TBC1D30: variants seen among roughly 807,000 people sequenced by gnomAD.
TBC1D30 encodes TBC1 domain family, member 30.
In TBC1D30, 31 loss-of-function variants were observed where a neutral mutation model predicts 63.2. The observed-to-expected ratio is 0.49, with a 90% CI of 0.37 to 0.66. The LOEUF is 0.66. TBC1D30 is among the 30% of genes least tolerant of loss of function. TBC1D30 has a pLI of 0.00. For missense variants in TBC1D30, 810 were observed against 953.6 expected (o/e 0.85, Z 1.98); for synonymous variants, 307 against 361.5 (o/e 0.85, Z 1.71).
chr12:64,824,906 T>A lies in TBC1D30; in HGVS notation c.27T>A (p.Ser9=). MRQDKLTG[S]LRRGGRCLKR... ...TGCGGCAGGACAAGCTGACCGGGTCTCTGAGGCGCGGGGGGAGATGCCTGA... is the reference window on the plus strand; with the variant it reads ...TGCGGCAGGACAAGCTGACCGGGTCACTGAGGCGCGGGGGGAGATGCCTGA... Residue 9 remains serine (S), a synonymous_variant, in exon 1 of 12, where the codon TCT becomes TCA. Coordinates refer to ENST00000539867, the MANE Select transcript of TBC1D30 (RefSeq NM_015279.2). 1 of 1,534,240 alleles carries A rather than the reference T, an allele frequency of 6.5e-7. No homozygotes were observed. The highest frequency in any genetic ancestry group is 8.7e-7 in the Non-Finnish European group (1 of 1,146,518).
chr12:64,793,132 C>T (rs1032751813), intron 2 of TBC1D30, among the ~76,000 whole-genome samples: 6 of 151,694 alleles, frequency 4.0e-5, no homozygotes, highest in East Asian at 2.0e-4. Context: ...CTTGAGCTTG[C>T]GAGTGGGAGA....
rs1879111619 is a variant in TBC1D30, at chr12:64,876,711, G to C, written c.*923G>C. 1 of 446,766 alleles carries C rather than the reference G, an allele frequency of 2.2e-6. No homozygotes were observed. Among genetic ancestry groups the C allele is most frequent in the South Asian group, 1.6e-5 (1 of 62,912 alleles). The allele number at this position is 446,766 out of a possible 1,614,324, so 27.7% of individuals were successfully genotyped here. ...GCCAGAACACAGCACCTGTGACTCT[G>C]TTACTTGAATTTTGTGCTTTTTGAT... On this transcript the variant is annotated 3_prime_UTR_variant, in exon 12 of 12. Transcript: ENST00000539867.
chr12:64,815,652 A>G (rs1422890088), intron 2 of TBC1D30, among the ~76,000 whole-genome samples: 2 of 152,244 alleles, frequency 1.3e-5, no homozygotes, highest in African/African-American at 2.4e-5. Flanking sequence ...CACATATACA[A>G]TCATGCATAA....
chr12:64,852,039 A>G (rs1024647004), intron 8 of TBC1D30, among the ~76,000 whole-genome samples: 6 of 151,846 alleles, frequency 4.0e-5, no homozygotes, highest in African/African-American at 1.5e-4. Flanking sequence ...GTGTTCTCGT[A>G]TTTCCTGAAT....
chr12:64,776,173 C>G (rs1335756377), upstream of TBC1D30, among the ~76,000 whole-genome samples: 1 of 152,034 alleles, frequency 6.6e-6, no homozygotes, highest in African/African-American at 2.4e-5. Flanking sequence ...CATCAGATCT[C>G]AAGTTAACAA....
At chr12:64,780,926 C>T (rs1871238634) in exon 1 of TBC1D30, 3 of 1,040,056 alleles carry the variant, frequency 2.9e-6, no homozygotes, top group Middle Eastern at 3.4e-4. Flanking sequence ...TCCTGCAGCT[C>T]CCCCAGCCCC....
At chr12:64,860,986 A>G (rs1235437109) in intron 8 of TBC1D30, among the ~76,000 whole-genome samples, 2 of 152,256 alleles carry the variant, frequency 1.3e-5, no homozygotes, top group Non-Finnish European at 2.9e-5. Context: ...GCCAGAAGGA[A>G]TGAGATGTGT....
rs908183623 is a variant in TBC1D30 at position 64,836,673 on chromosome 12, T to G, written c.763+15T>G. The G allele has an allele frequency of 6.6e-7, 1 of 1,523,356 alleles. No homozygotes were observed. The highest frequency in any genetic ancestry group is 1.4e-5 in the African/African-American group (1 of 72,742). 94.4% of individuals were successfully genotyped at this position (1,523,356 alleles called of 1,614,324 possible). Reference sequence around the variant, plus strand: ...AGAAAGTGGAGGTAGGTTTCAATGCTATTATAACTCTGAAAATATTTGTCT... The same window carrying G: ...AGAAAGTGGAGGTAGGTTTCAATGCGATTATAACTCTGAAAATATTTGTCT... On this transcript the variant is annotated intron_variant, in intron 6 of 11. Coordinates refer to ENST00000539867, the MANE Select transcript of TBC1D30 (RefSeq NM_015279.2).
At chr12:64,836,764 G>A (rs1056327739) in intron 6 of TBC1D30, 106 bp downstream of exon 6, 76 of 1,128,674 alleles carry the variant, frequency 6.7e-5, no homozygotes, top group Non-Finnish European at 9.0e-5. Flanking sequence ...AGCTATTTTT[G>A]TAAGAGCTTG....
In TBC1D30 at chr12:64,848,073, G is replaced by A. The variant is rs915782704; in HGVS notation, c.1038+4588G>A. ...TTATATCTGGGTGCTCCAGTGTTGGGTGCATATATATTTATAATCATTATA... is the reference window on the plus strand; with the variant it reads ...TTATATCTGGGTGCTCCAGTGTTGGATGCATATATATTTATAATCATTATA... On this transcript the variant is annotated intron_variant, in intron 8 of 11. Coordinates refer to ENST00000539867, the MANE Select transcript of TBC1D30 (RefSeq NM_015279.2). Among the ~76,000 whole-genome samples the A allele has an allele frequency of 3.3e-5, 5 of 151,612 alleles. No individual in the cohort carries two copies. The South Asian group carries it at 8.3e-4, about 25-fold the overall frequency.
chr12:64,783,564 T>G (rs910283087), intron 1 of TBC1D30, among the ~76,000 whole-genome samples: 5 of 152,078 alleles, frequency 3.3e-5, no homozygotes, highest in South Asian at 2.1e-4. Flanking sequence ...CTATGGCCGA[T>G]GTCATGGAGC....
At position 64,877,688 on chromosome 12, in the gene TBC1D30, G is replaced by A. The variant is rs1427037855; in HGVS notation, c.*1900G>A. On this transcript the variant is annotated 3_prime_UTR_variant, in exon 12 of 12. Transcript: ENST00000539867. ...GGCTTATTTTGCATACCACCCTCAG[G>A]GCCCAGAGACCCACTGCATTTTCCA... 2 of 152,202 alleles carry A rather than the reference G, an allele frequency of 1.3e-5. No individual in the cohort carries two copies. Among genetic ancestry groups the A allele is most frequent in the East Asian group, 3.9e-4 (2 of 5,166 alleles). The allele number at this position is 152,202 out of a possible 1,614,324, so 9.4% of individuals were successfully genotyped here.
rs1199270362 is a variant in TBC1D30, at chr12:64,870,735, T to C, written c.1425T>C (p.Asn475=). The change falls in exon 11 of 12, where the codon AAT becomes AAC. Residue 475 remains asparagine (N), a synonymous_variant. Coordinates refer to ENST00000539867, the MANE Select transcript of TBC1D30 (RefSeq NM_015279.2). ...MMMERMTTDI[N]ALKRQYSRIK... ...TGGAACGCATGACCACAGATATCAA[T>C]GCACTGAAGCGGCAGTACTCTCGAA... 6.5e-7 allele frequency: 1 copy of C among 1,536,094 alleles called. No individual in the cohort carries two copies. Among genetic ancestry groups the C allele is most frequent in the African/African-American group, 1.4e-5 (1 of 73,152 alleles).
intron 1 of TBC1D30, chr12:64,785,838 T>C: frequency 1.6e-6 from 2 of 1,262,670 alleles, no homozygotes; most frequent in Non-Finnish European, 2.1e-6. Flanking sequence ...TTTGTATTCC[T>C]CTCAAGGTAT....
chr12:64,879,251 A>G lies in TBC1D30; in HGVS notation c.*3463A>G, dbSNP rs893476403. On this transcript the variant is annotated 3_prime_UTR_variant, in exon 12 of 12. Transcript: ENST00000539867. Reference sequence around the variant, plus strand: ...GTAGTTTAAGCTGTCTTTCTGGTAAATGCTCTTATACAATATGATTTTTAG... The same window carrying G: ...GTAGTTTAAGCTGTCTTTCTGGTAAGTGCTCTTATACAATATGATTTTTAG... 6.6e-6 allele frequency: 1 copy of G among 152,214 alleles called. No homozygotes were observed. The highest frequency in any genetic ancestry group is 2.4e-5 in the African/African-American group (1 of 41,456). The allele number at this position is 152,214 out of a possible 1,614,324, so 9.4% of individuals were successfully genotyped here.
intron 5 of TBC1D30, among the ~76,000 whole-genome samples, chr12:64,834,498 C>T (rs1393760730): frequency 6.7e-6 from 1 of 149,552 alleles, no homozygotes; most frequent in African/African-American, 2.5e-5. Context: ...CCTCCACCTT[C>T]CAGGTTCAAG....
At chr12:64,832,605 C>T (rs1874968330) in intron 5 of TBC1D30, among the ~76,000 whole-genome samples, 1 of 152,224 alleles carries the variant, frequency 6.6e-6, no homozygotes, top group Non-Finnish European at 1.5e-5. Flanking sequence ...CTGCTTAAAA[C>T]AGCAAATGTA....
chr12:64,830,079 A>C (rs1295977917), intron 3 of TBC1D30, among the ~76,000 whole-genome samples: 3 of 152,182 alleles, frequency 2.0e-5, no homozygotes, highest in African/African-American at 7.2e-5. Flanking sequence ...ACAGAAATAC[A>C]ATTTGAAAAT....
intron 2 of TBC1D30, chr12:64,818,374 T>C: frequency 1.0e-6 from 1 of 977,218 alleles, no homozygotes; most frequent in African/African-American, 1.8e-5. Flanking sequence ...ATTCACATAG[T>C]ATTTTAAAGG....
Sources: allele counts gnomAD v4.1 joint callset (sites outside exome capture counted in the v4.1 genomes callset), GRCh38; gene constraint gnomAD v4.1.1; transcripts MANE v1.5; gene names NCBI Gene and HGNC (gene_info 2026-07-23, HGNC 2026-07-21).